Variants in BRD9 observed in about 807,000 individuals in gnomAD.
BRD9 encodes the protein bromodomain-containing protein 9.
Under a neutral mutation model 68.7 loss-of-function variants are expected in BRD9, and 47 were observed. The ratio of observed to expected loss-of-function variants is 0.68; its 90% CI spans 0.54 to 0.87. The LOEUF is 0.87. Ranked by LOEUF, BRD9 falls within the 40% of genes least tolerant of loss-of-function variation. The probability of loss-of-function intolerance (pLI) is 0.00; values close to 1 mark genes in which losing one functional copy is unlikely to be tolerated. For missense variants in BRD9, 670 were observed against 748.4 expected (o/e 0.90, Z 1.22); for synonymous variants, 313 against 293.9 (o/e 1.06, Z -0.67).
At chr5:886,215 C>T (rs1023465598) in intron 7 of BRD9, among the ~76,000 whole-genome samples, 1 of 152,270 alleles carries the variant, frequency 6.6e-6, no homozygotes, top group African/African-American at 2.4e-5. Context: ...CCAATGCTGG[C>T]TGCCCAAAGT....
At chr5:870,727 T>A (rs1750019407) in intron 13 of BRD9, 152 bp from the exon 14 acceptor site, 3 of 593,800 alleles carry the variant, frequency 5.1e-6, no homozygotes, top group Non-Finnish European at 9.0e-6. Flanking sequence ...TCACTGAGGC[T>A]GCTGTTCAAG....
intron 11 of BRD9, 29 bp downstream of exon 11, chr5:878,326 G>C (rs1560908658): frequency 6.2e-7 from 1 of 1,610,564 alleles, no homozygotes; most frequent in Admixed American, 1.7e-5. Flanking sequence ...CTGCACAGCA[G>C]CCAAGGGCTC....
intron 4 of BRD9, 54 bp from the exon 5 acceptor site, chr5:889,219 A>T: frequency 6.5e-7 from 1 of 1,540,158 alleles, no homozygotes; most frequent in Non-Finnish European, 8.7e-7. Context: ...AATGATACAA[A>T]ATCTCTTACA....
At chr5:892,569 C>T (rs1753626568) in intron 1 of BRD9, 37 bp downstream of exon 1, 2 of 1,532,264 alleles carry the variant, frequency 1.3e-6, no homozygotes, top group Admixed American at 4.0e-5. Flanking sequence ...TGCCCGGGAC[C>T]CCGCCCGCCG....
At chr5:865,204 G>T (rs550846472) in intron 15 of BRD9, among the ~76,000 whole-genome samples, 1 of 152,240 alleles carries the variant, frequency 6.6e-6, no homozygotes. Flanking sequence ...GTAACCCAGC[G>T]TGCGGCCAGG....
intron 1 of BRD9, chr5:892,287 G>C (rs1157505933): frequency 1.2e-5 from 6 of 512,630 alleles, no homozygotes; most frequent in Non-Finnish European, 2.0e-5. Context: ...GGAAAGGCGG[G>C]AGAAAGGGCA....
At chr5:877,441 G>A (rs1319266077) in intron 11 of BRD9, among the ~76,000 whole-genome samples, 2 of 152,228 alleles carry the variant, frequency 1.3e-5, no homozygotes, top group Admixed American at 6.5e-5. Flanking sequence ...AAGCACTAAG[G>A]GGATTCTTGT....
chr5:864,339 T>G lies in BRD9; in HGVS notation c.*129A>C. On this transcript the variant is annotated 3_prime_UTR_variant, in exon 16 of 16. Transcript: ENST00000467963. ...CTGACATGATACCACAGACAATTCA[T>G]TACCTCCCCGCGGCTGCTTCCCGCA... 1.5e-6 allele frequency: 1 copy of G among 681,774 alleles called. No homozygotes were observed. Among genetic ancestry groups the G allele is most frequent in the Non-Finnish European group, 2.4e-6 (1 of 423,522 alleles). 42.2% of individuals were successfully genotyped at this position (681,774 alleles called of 1,614,324 possible). A position where few individuals can be genotyped will look rare whatever the true frequency, so the allele number is the denominator to read the frequency against.
intron 14 of BRD9, 32 bp downstream of exon 14, chr5:870,441 G>T (rs1241912656): frequency 6.6e-7 from 1 of 1,524,936 alleles, no homozygotes; most frequent in East Asian, 2.2e-5. Context: ...ACCTTCACCA[G>T]GTGCTGTGGG....
chr5:887,514 CAGACAACAGCAAAGCTCT>C (rs1387622432), intron 5 of BRD9, 43 bp from the exon 6 acceptor site: 1 of 1,443,906 alleles, frequency 6.9e-7, no homozygotes, highest in African/African-American at 1.4e-5. Flanking sequence ...TGAAATGCCA[CAGACAACAGCAAAGCTCT>C]AGATGACTAC....
At position 891,204 on chromosome 5, in the gene BRD9, C is replaced by T; in HGVS notation, c.351G>A (p.Glu117=). The stretch of plus-strand genomic sequence containing the variant: ...CTGGCCGATCTGGGGGCGGCTCCAC[C>T]TCCACCTTCTTCCCAGGATCAAAGT... The part of the protein sequence containing the change: ...ADDFDPGKKV[E]VEPPPDRPVR... Residue 117 remains glutamate, a synonymous_variant, in exon 3 of 16, where the codon GAG becomes GAA. Coordinates refer to ENST00000467963, the MANE Select transcript of BRD9 (RefSeq NM_023924.5). 6.4e-7 allele frequency: 1 copy of T among 1,551,974 alleles called. No homozygotes were observed. Among genetic ancestry groups the T allele is most frequent in the African/African-American group, 1.4e-5 (1 of 73,184 alleles).
At chr5:869,374 T>C in intron 14 of BRD9, 1 of 456,138 alleles carries the variant, frequency 2.2e-6, no homozygotes, top group South Asian at 1.6e-5. Context: ...TAGTACAGCA[T>C]CACGTGATAG....
Position 889,607 on chromosome 5 carries a change from G to A in BRD9, c.441C>T (p.His147=). Residue 147 remains histidine (H), a synonymous_variant, in exon 4 of 16, where the codon CAC becomes CAT. Transcript: ENST00000467963. ...TTTACCTCTGAAGCTGGCGGAGGAAGTGTTCCAGGAGTTGCTGAATAGGTG... is the reference window on the plus strand; with the variant it reads ...TTTACCTCTGAAGCTGGCGGAGGAAATGTTCCAGGAGTTGCTGAATAGGTG... ...ESTPIQQLLE[H]FLRQLQRKDP... 6.2e-7 allele frequency: 1 copy of A among 1,613,854 alleles called. No individual in the cohort carries two copies. Among genetic ancestry groups the A allele is most frequent in the South Asian group, 1.1e-5 (1 of 91,074 alleles).
chr5:886,152 A>G (rs1489913071), intron 7 of BRD9, among the ~76,000 whole-genome samples: 1 of 152,222 alleles, frequency 6.6e-6, no homozygotes, highest in African/African-American at 2.4e-5. Flanking sequence ...CAGACACAGA[A>G]GCGAGCAGTT....
intron 15 of BRD9, 93 bp from the exon 16 acceptor site, chr5:864,661 C>T (rs1395346294): frequency 9.0e-6 from 10 of 1,106,758 alleles, no homozygotes; most frequent in African/African-American, 7.8e-5. Context: ...CCTGACCTAC[C>T]GCCAGGGCTC....
intron 3 of BRD9, 198 bp from the exon 4 acceptor site, chr5:889,845 G>A: frequency 1.7e-6 from 2 of 1,179,682 alleles, no homozygotes; most frequent in East Asian, 3.5e-5. Context: ...CCCCACAGCA[G>A]GAGTCATAAA....
chr5:873,794 T>G (rs1354025354), intron 12 of BRD9, among the ~76,000 whole-genome samples: 3 of 152,248 alleles, frequency 2.0e-5, no homozygotes, highest in Admixed American at 2.0e-4. Flanking sequence ...GTCAAGGGAC[T>G]GACCCCTCCT....
intron 8 of BRD9, chr5:882,136 C>T (rs1751861733): frequency 6.5e-6 from 1 of 153,252 alleles, no homozygotes; most frequent in African/African-American, 2.4e-5. Flanking sequence ...ACACAAGGCT[C>T]TCTAGTCAAG....
At chr5:875,294 C>T (rs974825175) in intron 12 of BRD9, among the ~76,000 whole-genome samples, 1 of 151,608 alleles carries the variant, frequency 6.6e-6, no homozygotes, top group Non-Finnish European at 1.5e-5. Flanking sequence ...CAGGTCAGAT[C>T]TGGCCGAAAA....
Sources: gnomAD v4.1 joint callset for allele counts (sites outside exome capture counted in the v4.1 genomes callset) on GRCh38, gnomAD v4.1.1 for gene constraint, MANE v1.5 for transcripts, NCBI Gene and HGNC (gene_info 2026-07-23, HGNC 2026-07-21) for gene names.